Variants in CADM2 observed in about 807,000 individuals in gnomAD.
The protein encoded by CADM2 is immunoglobulin superfamily member 4D.
Under a neutral mutation model 49.8 loss-of-function variants are expected in CADM2, and 12 were observed. The observed-to-expected ratio is 0.24, with a 90% CI of 0.15 to 0.39. The LOEUF is 0.39. Among genes scored for constraint, CADM2 ranks in the 10% least tolerant of loss-of-function variants. The pLI is 1.00. For synonymous variants in CADM2, 214 were observed against 175.4 expected (o/e 1.22, Z -1.74); for missense variants, 378 against 492.3 (o/e 0.77, Z 2.20).
chr3:85,479,363 C>G (rs1352157869), intron 1 of CADM2, among the ~76,000 whole-genome samples: 1 of 151,864 alleles, frequency 6.6e-6, no homozygotes, highest in African/African-American at 2.4e-5. Context: ...AAGCCACTTT[C>G]AGTGCCTATG....
intron 1 of CADM2, among the ~76,000 whole-genome samples, chr3:85,254,094 T>G (rs990895851): frequency 6.6e-6 from 1 of 152,120 alleles, no homozygotes. Context: ...CTATAATCCT[T>G]GGAGTTCTTA....
intron 1 of CADM2, among the ~76,000 whole-genome samples, chr3:85,627,995 A>G (rs1487739702): frequency 6.6e-6 from 1 of 151,936 alleles, no homozygotes; most frequent in Non-Finnish European, 1.5e-5. Flanking sequence ...CCACTTGCAA[A>G]CACTTCCCCA....
chr3:86,013,127 C>G, intron 8 of CADM2: 1 of 1,339,800 alleles, frequency 7.5e-7, no homozygotes, highest in Non-Finnish European at 1.1e-6. Flanking sequence ...TTTGAACAAA[C>G]CACGTAAGTA....
intron 1 of CADM2, among the ~76,000 whole-genome samples, chr3:84,996,087 C>A (rs943364607): frequency 3.3e-5 from 5 of 152,110 alleles, no homozygotes; most frequent in African/African-American, 1.2e-4. Context: ...TCTCCCAACC[C>A]TGTTTGCTGC....
chr3:85,914,334 G>A (rs1718006351), intron 6 of CADM2, among the ~76,000 whole-genome samples: 1 of 152,072 alleles, frequency 6.6e-6, no homozygotes, highest in Non-Finnish European at 1.5e-5. Flanking sequence ...AGGATGTGAT[G>A]ATAGGCTAGA....
chr3:85,800,262 A>T (rs1256960692), intron 2 of CADM2: 1 of 152,214 alleles, frequency 6.6e-6, no homozygotes, highest in Non-Finnish European at 1.5e-5. Context: ...TCCCAGGTTG[A>T]CTTCAGACTG....
chr3:85,377,485 C>A (rs1428176416), intron 1 of CADM2, among the ~76,000 whole-genome samples: 1 of 152,020 alleles, frequency 6.6e-6, no homozygotes, highest in Non-Finnish European at 1.5e-5. Context: ...GTAAACCTAT[C>A]CTGCTGATGG....
At chr3:85,972,928 A>T (rs1366980626) in intron 8 of CADM2, among the ~76,000 whole-genome samples, 1 of 151,698 alleles carries the variant, frequency 6.6e-6, no homozygotes, top group Non-Finnish European at 1.5e-5. Context: ...TTTTAATTGG[A>T]TGATATTATT....
chr3:85,206,665 A>C (rs1175871436), intron 1 of CADM2, among the ~76,000 whole-genome samples: 1 of 152,128 alleles, frequency 6.6e-6, no homozygotes, highest in Non-Finnish European at 1.5e-5. Flanking sequence ...TCTTGATAAA[A>C]TAGCTAAGAT....
chr3:85,365,198 A>ATT (rs1491587351), intron 1 of CADM2, among the ~76,000 whole-genome samples: 8 of 48,656 alleles, frequency 1.6e-4, no homozygotes, highest in African/African-American at 5.0e-4. Flanking sequence ...TTTTTTTTTT[A>ATT]CTTTTTTTTT....
At chr3:85,898,561 G>A (rs753046099) in intron 5 of CADM2, among the ~76,000 whole-genome samples, 7 of 149,914 alleles carry the variant, frequency 4.7e-5, no homozygotes, top group Non-Finnish European at 8.9e-5. Flanking sequence ...CATAGGGTCT[G>A]TACATATCTT....
At chr3:85,013,808 T>A (rs2034110046) in intron 1 of CADM2, among the ~76,000 whole-genome samples, 1 of 147,962 alleles carries the variant, frequency 6.8e-6, no homozygotes, top group Admixed American at 6.8e-5. Flanking sequence ...CAGTAGTAAT[T>A]AATTTTAATT....
intron 1 of CADM2, among the ~76,000 whole-genome samples, chr3:85,563,250 G>A (rs1157840365): frequency 6.6e-6 from 1 of 152,094 alleles, no homozygotes; most frequent in Non-Finnish European, 1.5e-5. Context: ...GCAGTAAAAT[G>A]TGCTTACCAT....
chr3:85,715,081 G>A (rs1338861985), intron 1 of CADM2, among the ~76,000 whole-genome samples: 1 of 151,978 alleles, frequency 6.6e-6, no homozygotes, highest in Non-Finnish European at 1.5e-5. Flanking sequence ...ACACATTTAT[G>A]TGATTCTACA....
chr3:85,671,009 TA>T (rs1249060549), intron 1 of CADM2, among the ~76,000 whole-genome samples: 1 of 152,162 alleles, frequency 6.6e-6, no homozygotes. Context: ...GATTCAGTGA[TA>T]TTTTTTTCCA....
intron 1 of CADM2, among the ~76,000 whole-genome samples, chr3:85,273,946 A>G (rs2043302668): frequency 6.6e-6 from 1 of 151,450 alleles, no homozygotes; most frequent in African/African-American, 2.4e-5. Flanking sequence ...GAAGCATCAA[A>G]GGAGAATGAG....
At chr3:85,969,018 G>A (rs575556190) in intron 8 of CADM2, among the ~76,000 whole-genome samples, 50 of 151,424 alleles carry the variant, frequency 3.3e-4, no homozygotes, top group African/African-American at 1.1e-3. Context: ...TTCCATCAAC[G>A]TTGCTTCCAA....
At chr3:85,591,124 CCTTGACACTA>C (rs1249336908) in intron 1 of CADM2, among the ~76,000 whole-genome samples, 1 of 151,876 alleles carries the variant, frequency 6.6e-6, no homozygotes, top group East Asian at 1.9e-4. Context: ...GTTGTGAGAA[CCTTGACACTA>C]CTTTCCAGTT....
chr3:85,309,072 A>G (rs2044282032), intron 1 of CADM2, among the ~76,000 whole-genome samples: 1 of 152,074 alleles, frequency 6.6e-6, no homozygotes, highest in Non-Finnish European at 1.5e-5. Flanking sequence ...TGACTATAAC[A>G]CTTCCTTTGT....
Sources: gnomAD v4.1 joint callset for allele counts (sites outside exome capture counted in the v4.1 genomes callset) on GRCh38, gnomAD v4.1.1 for gene constraint, MANE v1.5 for transcripts, NCBI Gene and HGNC (gene_info 2026-07-23, HGNC 2026-07-21) for gene names.